Variants in PACRG observed in about 807,000 individuals in gnomAD.
PACRG encodes parkin coregulated, also known as parkin coregulated gene protein.
PACRG carries 29 observed loss-of-function variants against 29.7 expected under a neutral mutation model. The observed-to-expected ratio is 0.98, with a 90% confidence interval of 0.73 to 1.33. PACRG has a LOEUF of 1.33. PACRG is among the 40% of genes most tolerant of loss of function. The pLI is 0.00. For synonymous variants in PACRG, 116 were observed against 118.7 expected (o/e 0.98, Z 0.15); for missense variants, 279 against 316.2 (o/e 0.88, Z 0.89).
At chr6:162,975,618 A>G (rs957297110) in intron 2 of PACRG, among the ~76,000 whole-genome samples, 6 of 152,192 alleles carry the variant, frequency 3.9e-5, no homozygotes, top group Admixed American at 3.9e-4. Flanking sequence ...CATATGGCAT[A>G]ATCATTTTTT....
At chr6:162,928,558 A>G (rs1027192354) in intron 2 of PACRG, among the ~76,000 whole-genome samples, 2 of 152,052 alleles carry the variant, frequency 1.3e-5, no homozygotes, top group African/African-American at 4.8e-5. Context: ...GTAAAGATCT[A>G]ATCAGTGTGA....
chr6:163,021,959 G>T (rs947456770), intron 2 of PACRG, among the ~76,000 whole-genome samples: 2 of 152,298 alleles, frequency 1.3e-5, no homozygotes, highest in South Asian at 2.1e-4. Context: ...CAAAATATTT[G>T]ATTTCTTCTT....
At chr6:163,048,211 C>T (rs1219527036) in intron 2 of PACRG, among the ~76,000 whole-genome samples, 5 of 151,906 alleles carry the variant, frequency 3.3e-5, no homozygotes, top group African/African-American at 7.3e-5. Flanking sequence ...GAACCTCCAG[C>T]GTAGGGTTGA....
chr6:163,062,107 G>A (rs1811143993), intron 2 of PACRG, 43 bp from the exon 3 acceptor site: 27 of 1,601,496 alleles, frequency 1.7e-5, no homozygotes, highest in African/African-American at 5.4e-5. Flanking sequence ...TGCTCTGCCC[G>A]AATGCTGTTT....
chr6:163,146,915 G>T (rs143386913), intron 4 of PACRG, among the ~76,000 whole-genome samples: 1 of 152,230 alleles, frequency 6.6e-6, no homozygotes, highest in East Asian at 1.9e-4. Context: ...GCCACCTTGC[G>T]CATGGTCAGA....
At chr6:163,095,395 G>GGC in intron 4 of PACRG, 1 of 985,414 alleles carries the variant, frequency 1.0e-6, no homozygotes, top group Non-Finnish European at 1.2e-6. Flanking sequence ...AACCTGGTAG[G>GGC]GCGATGTCTA....
At chr6:163,002,093 T>A (rs1804641128) in intron 2 of PACRG, among the ~76,000 whole-genome samples, 1 of 152,182 alleles carries the variant, frequency 6.6e-6, no homozygotes, top group African/African-American at 2.4e-5. Context: ...TGAAGGCAAA[T>A]TTTTCAGAAC....
At chr6:162,918,544 G>A (rs1488971567) in intron 2 of PACRG, among the ~76,000 whole-genome samples, 2 of 152,170 alleles carry the variant, frequency 1.3e-5, no homozygotes, top group Non-Finnish European at 2.9e-5. Flanking sequence ...ACTGAAAAAT[G>A]TAACAACAGT....
intron 2 of PACRG, among the ~76,000 whole-genome samples, chr6:163,010,664 C>T (rs79471748): frequency 0.025 from 3,871 of 152,218 alleles, 148 homozygotes; most frequent in African/African-American, 0.081. Flanking sequence ...GTGTGGGTCT[C>T]TGGGAGCTTC....
Position 162,874,139 on chromosome 6 carries a change from T to TA in PACRG, c.291+59871dup, listed in dbSNP as rs56159049. Among the ~76,000 whole-genome samples the TA allele has an allele frequency of 2.0e-3, 264 of 133,444 alleles. 3 individuals carry two copies. Among genetic ancestry groups the TA allele is most frequent in the African/African-American group, 3.8e-3 (135 of 35,374 alleles). The allele number at this position is 133,444 out of a possible 152,430, so 87.5% of individuals were successfully genotyped here. On this transcript the variant is annotated intron_variant, in intron 2 of 4. Coordinates refer to ENST00000366888, the MANE Select transcript of PACRG (RefSeq NM_001080379.2). ...AGATCAGGCAAAAACATGAGGGAGT[T>TA]AAAAAAAAAAAAATATATATATATA...
chr6:163,050,072 A>G (rs1204466418), intron 2 of PACRG, among the ~76,000 whole-genome samples: 1 of 152,132 alleles, frequency 6.6e-6, no homozygotes, highest in Non-Finnish European at 1.5e-5. Context: ...CTCTTTTAAT[A>G]AGAGAATTTA....
chr6:162,914,154 C>T (rs1796517793), intron 2 of PACRG, among the ~76,000 whole-genome samples: 1 of 152,020 alleles, frequency 6.6e-6, no homozygotes, highest in Non-Finnish European at 1.5e-5. Context: ...TCCAAGATCT[C>T]CTATGCTTTG....
intron 2 of PACRG, chr6:162,997,545 G>A (rs1804183601): frequency 2.4e-6 from 1 of 408,654 alleles, no homozygotes; most frequent in Non-Finnish European, 4.8e-6. Flanking sequence ...CAATGTCAAG[G>A]TGGGCCCAAG....
intron 4 of PACRG, among the ~76,000 whole-genome samples, chr6:163,263,598 AT>A (rs1251576558): frequency 6.6e-6 from 1 of 152,142 alleles, no homozygotes; most frequent in Non-Finnish European, 1.5e-5. Flanking sequence ...ATTAGGCAGA[AT>A]TTTTTTCTGA....
chr6:163,280,263 C>T (rs917557151), intron 4 of PACRG, among the ~76,000 whole-genome samples: 2 of 152,210 alleles, frequency 1.3e-5, no homozygotes, highest in Non-Finnish European at 2.9e-5. Flanking sequence ...GCCCTGCCTC[C>T]TCTGAACGTC....
At chr6:163,060,654 C>T (rs1490376931) in intron 2 of PACRG, among the ~76,000 whole-genome samples, 1 of 152,134 alleles carries the variant, frequency 6.6e-6, no homozygotes, top group Admixed American at 6.5e-5. Flanking sequence ...CCAGCTTCTA[C>T]CTGAACATGC....
At chr6:163,212,645 C>G (rs541194933) in intron 4 of PACRG, among the ~76,000 whole-genome samples, 1 of 151,960 alleles carries the variant, frequency 6.6e-6, no homozygotes, top group African/African-American at 2.4e-5. Flanking sequence ...ATTAATGACT[C>G]CATATTAATA....
In PACRG at chr6:163,116,566, G is replaced by A. The variant is rs963122107; in HGVS notation, c.613+27158G>A. ...CTCTTGGTTGTAGAGACCAGCGACAGCAGTCCAGGTATGACGGAAATGAAA... is the reference window on the plus strand; with the variant it reads ...CTCTTGGTTGTAGAGACCAGCGACAACAGTCCAGGTATGACGGAAATGAAA... On this transcript the variant is annotated intron_variant, in intron 4 of 4. Coordinates refer to ENST00000366888, the MANE Select transcript of PACRG (RefSeq NM_001080379.2). Among the ~76,000 whole-genome samples the A allele has an allele frequency of 5.3e-5, 8 of 152,114 alleles. No homozygotes were observed. The South Asian group carries it at 1.4e-3, about 28-fold the overall frequency.
intron 2 of PACRG, among the ~76,000 whole-genome samples, chr6:162,858,005 A>G (rs1420296366): frequency 6.6e-6 from 1 of 152,220 alleles, no homozygotes; most frequent in Non-Finnish European, 1.5e-5. Context: ...ACTGTAAAAC[A>G]TTAACTATTA....
Sources: allele counts gnomAD v4.1 joint callset (sites outside exome capture counted in the v4.1 genomes callset), GRCh38; gene constraint gnomAD v4.1.1; transcripts MANE v1.5; gene names NCBI Gene and HGNC (gene_info 2026-07-23, HGNC 2026-07-21).